Variants in TPM4 observed in about 807,000 individuals in gnomAD.
TPM4 encodes tropomyosin 4.
A neutral mutation model predicts 35.8 loss-of-function variants in TPM4; 17 were observed. That is an observed-to-expected ratio of 0.47 (90% CI 0.32 to 0.71). TPM4 has a LOEUF of 0.71. Among genes scored for constraint, TPM4 ranks in the 30% least tolerant of loss-of-function variants. The probability of loss-of-function intolerance (pLI) is 0.03; values close to 1 mark genes in which losing one functional copy is unlikely to be tolerated. For missense variants in TPM4, 240 were observed against 320.9 expected (o/e 0.75, Z 1.93); for synonymous variants, 120 against 122.9 (o/e 0.98, Z 0.15).
At chr19:16,095,441 G>C (rs1056234170) in intron 7 of TPM4, 1 of 1,027,672 alleles carries the variant, frequency 9.7e-7, no homozygotes, top group African/African-American at 1.7e-5. Flanking sequence ...CTTCTGGTTT[G>C]AACGTCAGAG....
Position 16,081,907 on chromosome 19 carries a change from C to T in TPM4, c.133-6C>T. 1 of 1,590,956 alleles carries T rather than the reference C, an allele frequency of 6.3e-7. No homozygotes were observed. Among genetic ancestry groups the T allele is most frequent in the Non-Finnish European group, 8.6e-7 (1 of 1,162,166 alleles). The stretch of plus-strand genomic sequence containing the variant: ...CTTAACATGGCTGCACCTCCGACCT[C>T]CCCAGGCTGAAGGTGATGTGGCCGC... On this transcript the variant is annotated splice_region_variant and splice_polypyrimidine_tract_variant and intron_variant, in intron 1 of 7. Transcript: ENST00000643579.
chr19:16,099,845 A>G (rs2090744375), intron 7 of TPM4: 1 of 152,000 alleles, frequency 6.6e-6, no homozygotes, highest in South Asian at 2.1e-4. Context: ...TCAGTTACTT[A>G]ATAACATGCC....
At chr19:16,096,379 C>G (rs2090697128) in intron 7 of TPM4, among the ~76,000 whole-genome samples, 1 of 152,158 alleles carries the variant, frequency 6.6e-6, no homozygotes, top group Non-Finnish European at 1.5e-5. Flanking sequence ...ATGGTTTTTC[C>G]TTAAATAGAA....
rs1482199970 is a variant in TPM4 at position 16,070,139 on chromosome 19, G to T, written c.114+2401G>T. On this transcript the variant is annotated intron_variant, in intron 2 of 2. Transcript: ENST00000589897. This position sits in a 1 kb window ranked among gnomAD's most constrained non-coding sequence, Gnocchi z 7.4. ...GGGTGTCCCTGCTAAAAGCCTGGAGGCCGGGGCAGGTGGGCTGCCCGTGGT... is the reference window on the plus strand; with the variant it reads ...GGGTGTCCCTGCTAAAAGCCTGGAGTCCGGGGCAGGTGGGCTGCCCGTGGT... Among the ~76,000 whole-genome samples the T allele has an allele frequency of 6.6e-6, 1 of 152,142 alleles. No homozygotes were observed. Among genetic ancestry groups the T allele is most frequent in the African/African-American group, 2.4e-5 (1 of 41,408 alleles).
intron 7 of TPM4, chr19:16,095,600 TTAGCC>T (rs1393348038): frequency 6.9e-6 from 7 of 1,010,934 alleles, no homozygotes; most frequent in Non-Finnish European, 7.1e-6. Flanking sequence ...AAGTGGGTGG[TTAGCC>T]TCTCTCACTC....
intron 5 of TPM4, among the ~76,000 whole-genome samples, chr19:16,089,751 C>T (rs1420046240): frequency 1.3e-5 from 2 of 151,340 alleles, no homozygotes; most frequent in African/African-American, 4.9e-5. Context: ...TCATTGCAGC[C>T]TTGAACTCCC....
chr19:16,077,753 G>A (rs1568300694), intron 1 of TPM4, among the ~76,000 whole-genome samples: 1 of 151,958 alleles, frequency 6.6e-6, no homozygotes, highest in Admixed American at 6.6e-5. Context: ...ATAATCAATT[G>A]TGTTGTTGTT....
intron 1 of TPM4, 161 bp downstream of exon 1, chr19:16,076,858 G>C: frequency 8.0e-7 from 1 of 1,243,814 alleles, no homozygotes; most frequent in Admixed American, 4.3e-5. Context: ...CCCGCAGCCA[G>C]GACCCCCTAC....
At position 16,081,929 on chromosome 19, in the gene TPM4, C is replaced by G. The variant is rs1019709415; in HGVS notation, c.149C>G (p.Ala50Gly). ...ERREKAEGDV[A>G]ALNRRIQLVE... ...CCTCCCCAGGCTGAAGGTGATGTGG[C>G]CGCCCTCAACCGACGCATCCAGCTC... The change falls in exon 2 of 8, where the codon GCC (alanine) becomes GGC (glycine). Residue 50 changes from alanine to glycine, a missense_variant. Coordinates refer to ENST00000643579, the MANE Select transcript of TPM4 (RefSeq NM_003290.3). 2 of 1,598,210 alleles carry G rather than the reference C, an allele frequency of 1.3e-6. No individual in the cohort carries two copies. The highest frequency in any genetic ancestry group is 1.7e-6 in the Non-Finnish European group (2 of 1,167,370).
chr19:16,093,315 C>T (rs1340181212), intron 5 of TPM4, among the ~76,000 whole-genome samples: 2 of 151,976 alleles, frequency 1.3e-5, no homozygotes, highest in Non-Finnish European at 2.9e-5. Context: ...TCTGCCTCAT[C>T]CTCCCCAGTA....
upstream of TPM4, among the ~76,000 whole-genome samples, chr19:16,073,926 A>G (rs1371789061): frequency 7.3e-6 from 1 of 136,892 alleles, no homozygotes; most frequent in African/African-American, 2.7e-5. Context: ...TGGGAGACAC[A>G]GGAAGACCAT....
Position 16,101,323 on chromosome 19 carries a change from C to A in TPM4, c.724C>A (p.Leu242Ile), listed in dbSNP as rs2090761254. The change falls in exon 8 of 8, where the codon CTA (leucine) becomes ATA (isoleucine). Residue 242 changes from leucine (L) to isoleucine (I), a missense_variant. Transcript: ENST00000643579. ...VGLHQTLDQT[L>I]NELNCI is the part of the protein sequence containing the mutation. ...CTTACATCAGACACTGGATCAGACA[C>A]TAAACGAACTTAACTGTATATAAGC... The A allele has an allele frequency of 6.2e-7, 1 of 1,604,734 alleles. No homozygotes were observed. The highest frequency in any genetic ancestry group is 8.5e-7 in the Non-Finnish European group (1 of 1,176,080).
At chr19:16,068,663 GTGTT>G (rs2090322207) in intron 2 of TPM4, among the ~76,000 whole-genome samples, 3 of 152,294 alleles carry the variant, frequency 2.0e-5, no homozygotes, top group Middle Eastern at 3.4e-3. Context: ...ACATATTTGT[GTGTT>G]TGAGCAATTC....
In TPM4 at chr19:16,088,104, G is replaced by A. The variant is rs771195365; in HGVS notation, c.455+7G>A. On this transcript the variant is annotated splice_region_variant and intron_variant, in intron 4 of 7. Coordinates refer to ENST00000643579, the MANE Select transcript of TPM4 (RefSeq NM_003290.3). ...GTGCGGAGGTGTCTGAACTGTGAGT[G>A]GCAGAACAGGACTGAGCGAGGCTGG... The A allele has an allele frequency of 6.2e-7, 1 of 1,609,930 alleles. No homozygotes were observed. Among genetic ancestry groups the A allele is most frequent in the South Asian group, 1.1e-5 (1 of 89,966 alleles).
At chr19:16,091,811 CACCTTTCTGTG>C (rs2090630037) in intron 5 of TPM4, among the ~76,000 whole-genome samples, 1 of 152,130 alleles carries the variant, frequency 6.6e-6, no homozygotes, top group Non-Finnish European at 1.5e-5. Context: ...ATAATAACTT[CACCTTTCTGTG>C]ACCCTTTCCT....
At chr19:16,069,595 G>A (rs546980281) in intron 2 of TPM4, among the ~76,000 whole-genome samples, 21 of 136,520 alleles carry the variant, frequency 1.5e-4, no homozygotes, top group Admixed American at 1.3e-3. Context: ...GGTGTGTGTG[G>A]ATGAATGTGT....
chr19:16,087,880 C>A, intron 3 of TPM4, 147 bp from the exon 4 acceptor site: 1 of 795,282 alleles, frequency 1.3e-6, no homozygotes, highest in South Asian at 1.6e-5. Context: ...GACTCCGTCC[C>A]CCTGCAAAAA....
upstream of TPM4, chr19:16,075,600 A>T (rs1019964651): frequency 6.3e-6 from 1 of 157,664 alleles, no homozygotes; most frequent in Non-Finnish European, 1.4e-5. Context: ...TTTGTTAGAA[A>T]GTTTCTCTGA....
At position 16,067,779 on chromosome 19, in the gene TPM4, T is replaced by A. The variant is rs2090312564; in HGVS notation, c.114+41T>A. 2.5e-6 allele frequency: 4 copies of A among 1,583,790 alleles called. No individual in the cohort carries two copies. The highest frequency in any genetic ancestry group is 3.4e-6 in the Non-Finnish European group (4 of 1,165,400). ...CTGGGCCGCTCCGGGCTGCTGGGAG[T>A]CCTCTCTGTGCGGAAGGCCGGGGTC... On this transcript the variant is annotated intron_variant, in intron 2 of 2. Transcript: ENST00000589897. This position sits in a 1 kb window ranked among gnomAD's most constrained non-coding sequence, Gnocchi z 4.1.
Sources: gnomAD v4.1 joint callset for allele counts (sites outside exome capture counted in the v4.1 genomes callset) on GRCh38, gnomAD v4.1.1 for gene constraint, Gnocchi (gnomAD v3.1) non-coding constraint, MANE v1.5 for transcripts, NCBI Gene and HGNC (gene_info 2026-07-23, HGNC 2026-07-21) for gene names.